The following FLCN variants were observed in gnomAD, a reference collection of about 807,000 sequenced individuals.
FLCN encodes folliculin.
A neutral mutation model predicts 62.5 loss-of-function variants in FLCN; 22 were observed. That is an observed-to-expected ratio of 0.35 (90% CI 0.25 to 0.50). The LOEUF is 0.50. FLCN is among the 20% of genes least tolerant of loss of function. FLCN has a pLI of 0.97. For missense variants in FLCN, 657 were observed against 778.0 expected (o/e 0.84, Z 1.85); for synonymous variants, 319 against 310.0 (o/e 1.03, Z -0.30).
rs764153620 is a variant in FLCN at position 17,224,110 on chromosome 17, CGAA to C, written c.427_429del (p.Phe143del). The C allele has an allele frequency of 1.9e-6, 3 of 1,606,568 alleles. No individual in the cohort carries two copies. The highest frequency in any genetic ancestry group is 2.5e-6 in the Non-Finnish European group (3 of 1,176,534). ...AACACAAAGCCGTGCTGCTCATCTC[CGAA>C]GAAGATGGGGCCTTCACGGCCAGGG... On this transcript the variant is annotated inframe_deletion, in exon 6 of 14. Coordinates refer to ENST00000285071, the MANE Select transcript of FLCN (RefSeq NM_144997.7).
intron 2 of FLCN, 55 bp downstream of exon 2, chr17:17,232,733 C>T (rs575641715): frequency 6.6e-6 from 1 of 152,566 alleles, no homozygotes; most frequent in South Asian, 2.1e-4. Flanking sequence ...AAGACATGCA[C>T]AGGACAGCAA....
At chr17:17,228,462 C>T (rs142149319) in intron 3 of FLCN, 320 of 390,072 alleles carry the variant, frequency 8.2e-4, no homozygotes, top group African/African-American at 6.2e-3. Flanking sequence ...AAGGAATGTC[C>T]TCAAGTGACA....
chr17:17,215,181 C>G lies in FLCN; in HGVS notation c.1432+4G>C, dbSNP rs373547953. The stretch of plus-strand genomic sequence containing the variant: ...AAAAGGACACTCTGCCTGGGGGCAC[C>G]CACCTCGGTCTGCAGCTACAGGGCT... On this transcript the variant is annotated splice_donor_region_variant and intron_variant, in intron 12 of 13. Transcript: ENST00000285071. 11 of 1,613,946 alleles carry G rather than the reference C, an allele frequency of 6.8e-6. 1 individual carries two copies. Among genetic ancestry groups the G allele is most frequent in the Non-Finnish European group, 9.3e-6 (11 of 1,180,018 alleles).
rs532206476 is a variant in FLCN, at chr17:17,216,568, T to G, written c.1177-65A>C. Reference sequence around the variant, plus strand: ...AGCCCTCAGCCCCGGCCATCCATGCTCTACTACCCAAACCCCACACGCCTC... The same window carrying G: ...AGCCCTCAGCCCCGGCCATCCATGCGCTACTACCCAAACCCCACACGCCTC... On this transcript the variant is annotated intron_variant, in intron 10 of 13. Coordinates refer to ENST00000285071, the MANE Select transcript of FLCN (RefSeq NM_144997.7). The surrounding 1 kb of genome is among the most constrained non-coding windows in gnomAD (Gnocchi z 4.0). 25 of 1,605,236 alleles carry G rather than the reference T, an allele frequency of 1.6e-5. No homozygotes were observed. The highest frequency in any genetic ancestry group is 2.7e-5 in the African/African-American group (2 of 74,698).
intron 3 of FLCN, among the ~76,000 whole-genome samples, chr17:17,230,780 C>A (rs954733176): frequency 6.6e-6 from 1 of 150,884 alleles, no homozygotes; most frequent in African/African-American, 2.4e-5. Context: ...GTAGTCCCAA[C>A]TACTTGGGAG....
chr17:17,218,940 A>G (rs1052917144), intron 9 of FLCN, 79 bp downstream of exon 9: 2 of 1,529,734 alleles, frequency 1.3e-6, no homozygotes, highest in Non-Finnish European at 1.8e-6. Flanking sequence ...GAGGGTCCAG[A>G]GGCAAGGCGT....
At chr17:17,222,388 G>C in intron 7 of FLCN, 113 bp downstream of exon 7, 1 of 1,465,944 alleles carries the variant, frequency 6.8e-7, no homozygotes, top group Non-Finnish European at 9.3e-7. Context: ...TCCTCACAGA[G>C]GCAGCAAGCA....
intron 13 of FLCN, among the ~76,000 whole-genome samples, chr17:17,214,544 A>G (rs2046850563): frequency 6.6e-6 from 1 of 152,170 alleles, no homozygotes; most frequent in African/African-American, 2.4e-5. Context: ...TGGTGAGCCA[A>G]GATCATGCCA....
chr17:17,213,146 C>T lies in FLCN; in HGVS notation c.*509G>A, dbSNP rs2046802434. The T allele has an allele frequency of 3.2e-6, 1 of 314,608 alleles. No individual in the cohort carries two copies. The highest frequency in any genetic ancestry group is 2.1e-5 in the African/African-American group (1 of 48,164). 19.5% of individuals were successfully genotyped at this position (314,608 alleles called of 1,614,324 possible). A position where few individuals can be genotyped will look rare whatever the true frequency, so the allele number is the denominator to read the frequency against. On this transcript the variant is annotated 3_prime_UTR_variant, in exon 14 of 14. Coordinates refer to ENST00000285071, the MANE Select transcript of FLCN (RefSeq NM_144997.7). ...CACTCCCCAAAGTCTCTTGCGGAGC[C>T]CTAACTCAATCACTCAGTGACCAAG...
chr17:17,216,482 C>A lies in FLCN; in HGVS notation c.1198G>T (p.Val400Phe), dbSNP rs148257120. ...TGGCTGCTGTATGGGATGATGCGGA[C>A]GCAGCCCACGGGAAGCATGGTCTGA... ...VLRTMLPVGC[V>F]RIIPYSSQYE... The change falls in exon 11 of 14, where the codon GTC becomes TTC. Residue 400 changes from valine (V) to phenylalanine (F), a missense_variant. By Grantham distance (50) the Val-to-Phe change is conservative. Coordinates refer to ENST00000285071, the MANE Select transcript of FLCN (RefSeq NM_144997.7). The surrounding 1 kb of genome is among the most constrained non-coding windows in gnomAD (Gnocchi z 4.0). 1.1e-5 allele frequency: 17 copies of A among 1,613,690 alleles called. No individual in the cohort carries two copies. The highest frequency in any genetic ancestry group is 1.4e-5 in the Non-Finnish European group (16 of 1,179,906).
intron 7 of FLCN, 104 bp downstream of exon 7, chr17:17,222,397 C>G (rs2047118549): frequency 6.5e-7 from 1 of 1,533,176 alleles, no homozygotes; most frequent in African/African-American, 1.4e-5. Flanking sequence ...AGGCAGCAAG[C>G]AAACACGGCT....
chr17:17,215,248 C>A lies in FLCN; in HGVS notation c.1369G>T (p.Asp457Tyr). Residue 457 changes from aspartate to tyrosine, a missense_variant, in exon 12 of 14, where the codon GAC (aspartate) becomes TAC (tyrosine). Coordinates refer to ENST00000285071, the MANE Select transcript of FLCN (RefSeq NM_144997.7). The stretch of plus-strand genomic sequence containing the variant: ...AACTCGTACTTGCTGAGAGACTGGT[C>A]ATCCTCACACCCCACAGGGTGGAGG... The part of the protein sequence containing the change: ...STLHPVGCED[D>Y]QSLSKYEFVV... The A allele has an allele frequency of 6.2e-7, 1 of 1,614,190 alleles. No homozygotes were observed. The highest frequency in any genetic ancestry group is 1.1e-5 in the South Asian group (1 of 91,062).
At chr17:17,229,757 G>T (rs1349987024) in intron 3 of FLCN, among the ~76,000 whole-genome samples, 1 of 152,234 alleles carries the variant, frequency 6.6e-6, no homozygotes, top group East Asian at 1.9e-4. Context: ...AGTTTCCGGT[G>T]GAGAAAAAGC....
In FLCN at chr17:17,219,091, G is replaced by A. The variant is rs761984486; in HGVS notation, c.990C>T (p.Ser330=). 6 of 1,614,152 alleles carry A rather than the reference G, an allele frequency of 3.7e-6. No homozygotes were observed. The highest frequency in any genetic ancestry group is 5.1e-6 in the Non-Finnish European group (6 of 1,180,034). The part of the protein sequence containing the change: ...RELTQGPAES[S]SLSGCGSWQP... ...GCCAGCTCCCACAGCCTGAGAGAGA[G>A]GAGGACTCTGCCGGGCCCTGGGTCA... Residue 330 remains serine, a synonymous_variant, in exon 9 of 14, where the codon TCC becomes TCT. Coordinates refer to ENST00000285071, the MANE Select transcript of FLCN (RefSeq NM_144997.7).
At chr17:17,221,472 C>T (rs1232439503) in intron 8 of FLCN, 65 bp downstream of exon 8, 1 of 1,614,108 alleles carries the variant, frequency 6.2e-7, no homozygotes. Context: ...GCCAGGAGAG[C>T]AGACAGCTGG....
At chr17:17,220,207 G>A (rs72842535) in intron 8 of FLCN, 1 of 152,246 alleles carries the variant, frequency 6.6e-6, no homozygotes, top group Non-Finnish European at 1.5e-5. Context: ...ACCACGCCCA[G>A]CTACTTTTCA....
At position 17,223,983 on chromosome 17, in the gene FLCN, C is replaced by A. The variant is rs876658409; in HGVS notation, c.557G>T (p.Trp186Leu). The change falls in exon 6 of 14, where the codon TGG (tryptophan) becomes TTG (leucine). Residue 186 changes from tryptophan (W) to leucine (L), a missense_variant. Transcript: ENST00000285071. The part of the protein sequence containing the change: ...MMDRIYLINS[W>L]PFLLGKVRGI... ...CCGGACCTTCCCCAGCAGGAAGGGC[C>A]AGGAGTTGATGAGGTAGATCCGGTC... 1.2e-6 allele frequency: 2 copies of A among 1,613,526 alleles called. No individual in the cohort carries two copies. The highest frequency in any genetic ancestry group is 1.7e-6 in the Non-Finnish European group (2 of 1,180,044).
chr17:17,233,598 CA>C lies in FLCN; in HGVS notation c.-227-698del, dbSNP rs71152852. On this transcript the variant is annotated intron_variant, in intron 1 of 13. Coordinates refer to ENST00000285071, the MANE Select transcript of FLCN (RefSeq NM_144997.7). The stretch of plus-strand genomic sequence containing the variant: ...TGGGCGACACAGCAAGACTCCATCT[CA>C]AAAAAAAAAAAAAAAAAAAAAATTA... Among the ~76,000 whole-genome samples the C allele has an allele frequency of 8.5e-3, 641 of 75,172 alleles. 5 individuals carry two copies. The highest frequency in any genetic ancestry group is 0.027 in the African/African-American group (495 of 18,454). The allele number at this position is 75,172 out of a possible 152,430, so 49.3% of individuals were successfully genotyped here.
rs902438704 is a variant in FLCN, at chr17:17,232,904, A to T, written c.-227-3T>A. 1.3e-5 allele frequency: 2 copies of T among 152,240 alleles called. No individual in the cohort carries two copies. Among genetic ancestry groups the T allele is most frequent in the Non-Finnish European group, 2.9e-5 (2 of 68,028 alleles). 9.4% of individuals were successfully genotyped at this position (152,240 alleles called of 1,614,324 possible). A position where few individuals can be genotyped will look rare whatever the true frequency, so the allele number is the denominator to read the frequency against. On this transcript the variant is annotated splice_polypyrimidine_tract_variant and splice_region_variant and intron_variant, in intron 1 of 13. Coordinates refer to ENST00000285071, the MANE Select transcript of FLCN (RefSeq NM_144997.7). ...CACCCTTGAAGACCTGGCGTTTTCT[A>T]GGTAAGAGAAAAAAAAAATTAGAGC...
Sources: gnomAD v4.1 joint callset for allele counts (sites outside exome capture counted in the v4.1 genomes callset) on GRCh38, gnomAD v4.1.1 for gene constraint, Gnocchi (gnomAD v3.1) non-coding constraint, MANE v1.5 for transcripts, NCBI Gene and HGNC (gene_info 2026-07-23, HGNC 2026-07-21) for gene names.